ZNFX1: variants seen among roughly 807,000 people sequenced by gnomAD.
ZNFX1 encodes the protein NFX1-type zinc finger-containing protein 1.
In ZNFX1, 78 loss-of-function variants were observed where a neutral mutation model predicts 179.8. That is an observed-to-expected ratio of 0.43 (90% confidence interval 0.36 to 0.52). The LOEUF (loss-of-function observed/expected upper bound fraction) is 0.52, where lower values mean the gene tolerates loss of function less well. ZNFX1 is among the 20% of genes least tolerant of loss of function. The pLI is 0.00. For missense variants in ZNFX1, 1,927 were observed against 2,386.6 expected, an observed-to-expected ratio of 0.81 and a Z score of 4.01; for synonymous variants, 848 against 868.5, an observed-to-expected ratio of 0.98 and a Z score of 0.42.
chr20:49,272,163 C>T (rs901564967), intron 2 of ZNFX1, among the ~76,000 whole-genome samples: 52 of 150,424 alleles, frequency 3.5e-4, no homozygotes, highest in African/African-American at 1.2e-3. Flanking sequence ...TATAATTTCT[C>T]TAAGTCTCAG....
chr20:49,275,740 C>G (rs539249314), intron 2 of ZNFX1, 39 bp downstream of exon 2: 1 of 1,598,614 alleles, frequency 6.3e-7, no homozygotes, highest in South Asian at 1.1e-5. Flanking sequence ...TCTTTTATTA[C>G]TAGAATTTCC....
At chr20:49,275,743 G>A (rs1192881193) in intron 2 of ZNFX1, 36 bp downstream of exon 2, 1 of 1,601,864 alleles carries the variant, frequency 6.2e-7, no homozygotes, top group Admixed American at 1.7e-5. Flanking sequence ...TTTATTACTA[G>A]AATTTCCTTC....
intron 8 of ZNFX1, 95 bp downstream of exon 8, chr20:49,257,322 T>C (rs1980992231): frequency 6.6e-7 from 1 of 1,525,714 alleles, no homozygotes. Context: ...CTTAGCTAAT[T>C]GTAATGGTGA....
Position 49,250,477 on chromosome 20 carries a change from T to A in ZNFX1, c.3313-766A>T, listed in dbSNP as rs146399169. 2.0e-5 allele frequency among the ~76,000 whole-genome samples: 3 copies of A among 152,322 alleles called. No individual in the cohort carries two copies. The East Asian group carries it at 5.8e-4, about 29-fold the overall frequency. On this transcript the variant is annotated intron_variant, in intron 13 of 13. Transcript: ENST00000396105. Reference sequence around the variant, plus strand: ...CCAGAAGAACCTGATACTCAGAATTTATTTATTTATTTTAAAAAAAGAGAC... The same window carrying A: ...CCAGAAGAACCTGATACTCAGAATTAATTTATTTATTTTAAAAAAAGAGAC...
In ZNFX1 at chr20:49,247,245, A is replaced by G. The variant is rs941775138; in HGVS notation, c.*22T>C. ...CCCAGTCATTCAGTGGCGAGGGCAA[A>G]AGGCAGTGGTGTACCATCTTCCTAC... On this transcript the variant is annotated 3_prime_UTR_variant, in exon 14 of 14. Transcript: ENST00000396105. 1.9e-5 allele frequency: 30 copies of G among 1,568,826 alleles called. No homozygotes were observed. Among genetic ancestry groups the G allele is most frequent in the Non-Finnish European group, 2.6e-5 (30 of 1,156,160 alleles).
rs775464867 is a variant in ZNFX1, at chr20:49,253,818, T to C, written c.2960-7A>G. 5 of 1,613,750 alleles carry C rather than the reference T, an allele frequency of 3.1e-6. No individual in the cohort carries two copies. Among genetic ancestry groups the C allele is most frequent in the Non-Finnish European group, 4.2e-6 (5 of 1,179,950 alleles). On this transcript the variant is annotated splice_polypyrimidine_tract_variant and splice_region_variant and intron_variant, in intron 10 of 13. Transcript: ENST00000396105. ...TGGCGGTATTTGGCAGCACCTCAAG[T>C]GAGGAAAGAAGAGAAAGGCTCCTCT...
Position 49,248,982 on chromosome 20 carries a change from C to T in ZNFX1, c.4042G>A (p.Val1348Met), listed in dbSNP as rs1432193538. 3 of 1,614,218 alleles carry T rather than the reference C, an allele frequency of 1.9e-6. No individual in the cohort carries two copies. Among genetic ancestry groups the T allele is most frequent in the Middle Eastern group, 3.3e-4 (2 of 6,058 alleles). ...CCGCACCGAGGAATGGTTTTGGGCA[C>T]CTTCACCTGACAAGGCTGACACTCC... ...FQECQPCQVK[V>M]PKTIPRCGHE... The change falls in exon 14 of 14, where the codon GTG (valine) becomes ATG (methionine). Residue 1348 changes from valine to methionine, a missense_variant. Coordinates refer to ENST00000396105, the MANE Select transcript of ZNFX1 (RefSeq NM_021035.3). This position sits in a 1 kb window ranked among gnomAD's most constrained non-coding sequence, Gnocchi z 4.6.
chr20:49,263,627 A>T, intron 5 of ZNFX1, 144 bp from the exon 6 acceptor site: 1 of 1,011,288 alleles, frequency 9.9e-7, no homozygotes, highest in Non-Finnish European at 1.4e-6. Flanking sequence ...CCAATTTCCC[A>T]AGGCACATTA....
rs935609062 is a variant in ZNFX1, at chr20:49,251,749, T to A, written c.3217-127A>T. ...GTGATGGCTTGTATCTGTAATCCCATCACTTTGGGAAGCCAAGGCAGGAGG... is the reference window on the plus strand; with the variant it reads ...GTGATGGCTTGTATCTGTAATCCCAACACTTTGGGAAGCCAAGGCAGGAGG... On this transcript the variant is annotated intron_variant, in intron 12 of 13. Coordinates refer to ENST00000396105, the MANE Select transcript of ZNFX1 (RefSeq NM_021035.3). The A allele has an allele frequency of 5.9e-6, 4 of 675,330 alleles. No homozygotes were observed. The Admixed American group carries it at 1.0e-4, about 18-fold the overall frequency. 41.8% of individuals were successfully genotyped at this position (675,330 alleles called of 1,614,324 possible). A position where few individuals can be genotyped will look rare whatever the true frequency, so the allele number is the denominator to read the frequency against.
chr20:49,266,278 G>T lies in ZNFX1; in HGVS notation c.1871-12C>A, dbSNP rs984292671. The T allele has an allele frequency of 6.4e-7, 1 of 1,559,290 alleles. No homozygotes were observed. The highest frequency in any genetic ancestry group is 8.6e-7 in the Non-Finnish European group (1 of 1,158,030). On this transcript the variant is annotated splice_polypyrimidine_tract_variant and intron_variant, in intron 3 of 13. Transcript: ENST00000396105. Reference sequence around the variant, plus strand: ...CACATAGGTTTTGCCTAGAAAATAAGGAAAAAGGAATTTAACAATTTAGAC... The same window carrying T: ...CACATAGGTTTTGCCTAGAAAATAATGAAAAAGGAATTTAACAATTTAGAC...
intron 3 of ZNFX1, among the ~76,000 whole-genome samples, chr20:49,266,601 A>AT (rs11393264): frequency 0.68 from 101,248 of 148,244 alleles, 35,618 homozygotes; most frequent in Non-Finnish European, 0.77. Flanking sequence ...CTACATCTTG[A>AT]TTTTTTTCAC....
chr20:49,262,171 T>C (rs1043356171), intron 6 of ZNFX1, among the ~76,000 whole-genome samples: 1 of 151,654 alleles, frequency 6.6e-6, no homozygotes, highest in Non-Finnish European at 1.5e-5. Context: ...TCCCAGCACT[T>C]TGGAGAGCCG....
In ZNFX1 at chr20:49,249,594, A is replaced by G. The variant is rs1980786761; in HGVS notation, c.3430T>C (p.Phe1144Leu). 1 of 1,614,138 alleles carries G rather than the reference A, an allele frequency of 6.2e-7. No individual in the cohort carries two copies. The highest frequency in any genetic ancestry group is 1.3e-5 in the African/African-American group (1 of 74,954). ...AHFVVELCKY[F>L]LCQEYLPSQI... ...GAAGGCAGGTATTCCTGGCACAGGAAGTACTTGCACAGCTCTACCACAAAG... is the reference window on the plus strand; with the variant it reads ...GAAGGCAGGTATTCCTGGCACAGGAGGTACTTGCACAGCTCTACCACAAAG... Residue 1144 changes from phenylalanine to leucine, a missense_variant, in exon 14 of 14, where the codon TTC becomes CTC. Physicochemically the swap from Phe to Leu is conservative, Grantham distance 22. Coordinates refer to ENST00000396105, the MANE Select transcript of ZNFX1 (RefSeq NM_021035.3).
chr20:49,260,453 C>T lies in ZNFX1; in HGVS notation c.2416+10G>A, dbSNP rs1310654286. 6.3e-7 allele frequency: 1 copy of T among 1,588,692 alleles called. No individual in the cohort carries two copies. The highest frequency in any genetic ancestry group is 8.6e-7 in the Non-Finnish European group (1 of 1,160,008). On this transcript the variant is annotated intron_variant, in intron 7 of 13. Coordinates refer to ENST00000396105, the MANE Select transcript of ZNFX1 (RefSeq NM_021035.3). Reference sequence around the variant, plus strand: ...TAAGATTTGATTCTAGGAAGACATGCACTTCTTACCTGTATTCTCAGGTCC... The same window carrying T: ...TAAGATTTGATTCTAGGAAGACATGTACTTCTTACCTGTATTCTCAGGTCC...
chr20:49,266,844 T>C (rs937118176), intron 3 of ZNFX1, among the ~76,000 whole-genome samples: 1 of 152,184 alleles, frequency 6.6e-6, no homozygotes, highest in African/African-American at 2.4e-5. Context: ...ATAAGAGTTA[T>C]AGGCTCATTA....
chr20:49,265,493 G>A (rs1379426997), intron 4 of ZNFX1, among the ~76,000 whole-genome samples: 8 of 152,118 alleles, frequency 5.3e-5, no homozygotes, highest in Non-Finnish European at 1.2e-4. Flanking sequence ...GTGGGGTAGG[G>A]ATCTATTTTT....
In ZNFX1 at chr20:49,259,089, G is replaced by A. The variant is rs1362137862; in HGVS notation, c.2416+1374C>T. Among the ~76,000 whole-genome samples the A allele has an allele frequency of 2.1e-5, 3 of 140,050 alleles. No homozygotes were observed. In the Admixed American group the frequency reaches 2.3e-4, roughly 11 times the overall value. The allele number at this position is 140,050 out of a possible 152,430, so 91.9% of individuals were successfully genotyped here. On this transcript the variant is annotated intron_variant, in intron 7 of 13. Transcript: ENST00000396105. ...TGCACTGCAGCCTGGTGGACAGAGT[G>A]AGACTGTGAGACTCAGTCTCAAAAA...
In ZNFX1 at chr20:49,261,912, C is replaced by G. The variant is rs1001403357; in HGVS notation, c.2302-1335G>C. Among the ~76,000 whole-genome samples, 2 of 151,664 alleles carry G rather than the reference C, an allele frequency of 1.3e-5. 1 individual carries two copies. The highest frequency in any genetic ancestry group is 1.3e-4 in the Admixed American group (2 of 15,222). On this transcript the variant is annotated intron_variant, in intron 6 of 13. Coordinates refer to ENST00000396105, the MANE Select transcript of ZNFX1 (RefSeq NM_021035.3). ...CCGCCTGCCTCGGCCTCCCAAAGTG[C>G]TGGGATTACAGGCGTGAGCCACTGC...
chr20:49,271,773 T>G, intron 2 of ZNFX1, 23 bp from the exon 3 acceptor site: 1 of 1,568,282 alleles, frequency 6.4e-7, no homozygotes, highest in Non-Finnish European at 8.7e-7. Flanking sequence ...AAATATTGAG[T>G]AACCACAAGA....
Sources: gnomAD v4.1 joint callset for allele counts (sites outside exome capture counted in the v4.1 genomes callset) on GRCh38, gnomAD v4.1.1 for gene constraint, Gnocchi (gnomAD v3.1) non-coding constraint, MANE v1.5 for transcripts, NCBI Gene and HGNC (gene_info 2026-07-23, HGNC 2026-07-21) for gene names.